The following TDP2 variants were observed in gnomAD, a reference collection of about 807,000 sequenced individuals.
The protein encoded by TDP2 is tyrosyl-DNA phosphodiesterase 2.
A neutral mutation model predicts 42.8 loss-of-function variants in TDP2; 38 were observed. The ratio of observed to expected loss-of-function variants is 0.89; its 90% confidence interval spans 0.68 to 1.16. TDP2 has a LOEUF of 1.16. Ranked by LOEUF, TDP2 falls within the 50% of genes most tolerant of loss-of-function variation. The pLI is 0.00. For synonymous variants in TDP2, 173 were observed against 150.6 expected (o/e 1.15, Z -1.09); for missense variants, 439 against 439.3 (o/e 1.00, Z 0.01).
intron 6 of TDP2, among the ~76,000 whole-genome samples, chr6:24,651,775 T>C (rs9295628): frequency 0.8 from 121,529 of 152,016 alleles, 49,071 homozygotes; most frequent in African/African-American, 0.91. Flanking sequence ...TTAGTAGAGA[T>C]GGGGTTTCAC....
chr6:24,661,297 G>A (rs537802966), intron 2 of TDP2, among the ~76,000 whole-genome samples: 57 of 152,282 alleles, frequency 3.7e-4, no homozygotes, highest in African/African-American at 1.3e-3. Flanking sequence ...ATTTATATCA[G>A]TATGGGTTCT....
chr6:24,654,266 TTA>T, intron 5 of TDP2, 144 bp downstream of exon 5: 1 of 432,930 alleles, frequency 2.3e-6, no homozygotes, highest in East Asian at 3.7e-5. Flanking sequence ...AAAATTAATT[TTA>T]GAGAGTGTTA....
At chr6:24,660,264 C>T (rs1778119145) in intron 2 of TDP2, among the ~76,000 whole-genome samples, 1 of 152,116 alleles carries the variant, frequency 6.6e-6, no homozygotes, top group South Asian at 2.1e-4. Flanking sequence ...TACAGTTATG[C>T]ACCACATTTG....
chr6:24,666,652 AC>A (rs1778248750), intron 1 of TDP2, 41 bp from the exon 2 acceptor site: 1 of 1,614,042 alleles, frequency 6.2e-7, no homozygotes, highest in East Asian at 2.2e-5. Context: ...TGTGCGCTCC[AC>A]CGACCTAGGT....
At chr6:24,665,640 A>T (rs1024514246) in intron 2 of TDP2, among the ~76,000 whole-genome samples, 2 of 152,232 alleles carry the variant, frequency 1.3e-5, no homozygotes, top group Non-Finnish European at 2.9e-5. Context: ...TTGGGAAATT[A>T]ACAATGTACA....
intron 2 of TDP2, among the ~76,000 whole-genome samples, chr6:24,665,205 CAAAA>C (rs1390259665): frequency 6.6e-6 from 1 of 152,100 alleles, no homozygotes; most frequent in Non-Finnish European, 1.5e-5. Flanking sequence ...TCTCTGTACA[CAAAA>C]AAAGATATGT....
In TDP2 at chr6:24,650,764, C is replaced by A; in HGVS notation, c.*24G>T. On this transcript the variant is annotated 3_prime_UTR_variant, in exon 7 of 7. Transcript: ENST00000378198. ...GAAATTGTATTTGCAACAATCAGGG[C>A]AAAACCCACACTTGAAAAGCATTTT... 6.2e-7 allele frequency: 1 copy of A among 1,607,488 alleles called. No individual in the cohort carries two copies. The highest frequency in any genetic ancestry group is 8.5e-7 in the Non-Finnish European group (1 of 1,175,814).
At chr6:24,651,974 C>T (rs10085192) in intron 6 of TDP2, among the ~76,000 whole-genome samples, 6,184 of 144,080 alleles carry the variant, frequency 0.043, 347 homozygotes, top group African/African-American at 0.12. Context: ...TCTCCAGAAC[C>T]TTTTAATCTT....
Position 24,650,822 on chromosome 6 carries a change from C to T in TDP2, c.1055G>A (p.Trp352Ter). ...LDCGRFPSDH[W>*]GLLCNLDIIL ...TATATCTAAGTTGCACAGAAGACCC[C>T]AGTGATCACTAGGAAATCTACCACA... The change falls in exon 7 of 7, where the codon TGG becomes TAG. Residue 352 changes from tryptophan to a stop codon, truncating the protein, a stop_gained. Transcript: ENST00000378198. LOFTEE classifies it high-confidence loss of function. The T allele has an allele frequency of 6.2e-7, 1 of 1,614,024 alleles. No homozygotes were observed. Among genetic ancestry groups the T allele is most frequent in the Non-Finnish European group, 8.5e-7 (1 of 1,179,970 alleles).
At chr6:24,656,268 A>T (rs1369096855) in intron 4 of TDP2, among the ~76,000 whole-genome samples, 1 of 152,174 alleles carries the variant, frequency 6.6e-6, no homozygotes, top group Non-Finnish European at 1.5e-5. Flanking sequence ...CCAAGAAAGT[A>T]GAACAGTCAA....
rs1317295167 is a variant in TDP2 at position 24,650,985 on chromosome 6, C to A, written c.892G>T (p.Asp298Tyr). Residue 298 changes from aspartate (D) to tyrosine (Y), a missense_variant, in exon 7 of 7, where the codon GAT (aspartate) becomes TAT (tyrosine). Asp to Tyr is a radical substitution (Grantham distance 160). Transcript: ENST00000378198. Reference protein sequence around the residue: ...GKPKHCQYTWDTQMNSNLGIT... With the variant: ...GKPKHCQYTWYTQMNSNLGIT... ...CCAAGATTAGAGTTCATTTGTGTAT[C>A]CCATGTATACTGGCAATGTTTAGGT... 23 of 1,614,042 alleles carry A rather than the reference C, an allele frequency of 1.4e-5. No individual in the cohort carries two copies. The highest frequency in any genetic ancestry group is 1.9e-5 in the Non-Finnish European group (22 of 1,179,962).
chr6:24,657,087 C>T lies in TDP2; in HGVS notation c.517+725G>A, dbSNP rs1778071293. ...AAGCACTATACAGTTGACACTTGAA[C>T]AACACAAGTGAACTTCAAGGTCCAC... On this transcript the variant is annotated intron_variant, in intron 4 of 6. Coordinates refer to ENST00000378198, the MANE Select transcript of TDP2 (RefSeq NM_016614.3). Among the ~76,000 whole-genome samples, 4 of 152,310 alleles carry T rather than the reference C, an allele frequency of 2.6e-5. No homozygotes were observed. The South Asian group carries it at 8.3e-4, about 32-fold the overall frequency.
In TDP2 at chr6:24,657,111, A is replaced by G. The variant is rs945729521; in HGVS notation, c.517+701T>C. On this transcript the variant is annotated intron_variant, in intron 4 of 6. Transcript: ENST00000378198. ...ACAACACAAGTGAACTTCAAGGTCCACTTATACAGATATTTTTTCAGTAAA... is the reference window on the plus strand; with the variant it reads ...ACAACACAAGTGAACTTCAAGGTCCGCTTATACAGATATTTTTTCAGTAAA... Among the ~76,000 whole-genome samples the G allele has an allele frequency of 5.9e-5, 9 of 152,376 alleles. No homozygotes were observed. The South Asian group carries it at 1.7e-3, about 28-fold the overall frequency.
chr6:24,651,120 A>G, intron 6 of TDP2, 51 bp from the exon 7 acceptor site: 1 of 1,282,290 alleles, frequency 7.8e-7, no homozygotes, highest in South Asian at 1.7e-5. Context: ...TTTGCCCACT[A>G]ACTTAAAAAA....
chr6:24,666,210 T>C, intron 2 of TDP2: 1 of 1,549,556 alleles, frequency 6.5e-7, no homozygotes, highest in African/African-American at 1.4e-5. Context: ...CGATAGAAGG[T>C]TTAGCCTTCG....
chr6:24,657,903 C>T lies in TDP2; in HGVS notation c.426G>A (p.Leu142=), dbSNP rs756824510. The T allele has an allele frequency of 2.3e-5, 35 of 1,543,988 alleles. No individual in the cohort carries two copies. The highest frequency in any genetic ancestry group is 3.0e-5 in the Non-Finnish European group (34 of 1,142,644). The stretch of plus-strand genomic sequence containing the variant: ...GTAGAAATATCACATCTGGGCTGTA[C>T]CTAATGAAAAACATCAATTTATGAC... ...RARGVCSYLA[L]YSPDVIFLQE... The change falls in exon 4 of 7, where the codon TTG becomes TTA. Residue 142 remains leucine, a splice_region_variant and synonymous_variant. Transcript: ENST00000378198.
intron 2 of TDP2, chr6:24,665,911 G>A (rs1005186128): frequency 1.7e-5 from 9 of 527,038 alleles, no homozygotes; most frequent in Admixed American, 8.2e-5. Context: ...AGATCTTTAC[G>A]AAGTTTCAAA....
In TDP2 at chr6:24,650,824, G is replaced by A. The variant is rs959850499; in HGVS notation, c.1053C>T (p.His351=). The A allele has an allele frequency of 5.0e-6, 8 of 1,614,018 alleles. No homozygotes were observed. Among genetic ancestry groups the A allele is most frequent in the Non-Finnish European group, 6.8e-6 (8 of 1,180,020 alleles). Residue 351 remains histidine, a synonymous_variant, in exon 7 of 7, where the codon CAC becomes CAT. Coordinates refer to ENST00000378198, the MANE Select transcript of TDP2 (RefSeq NM_016614.3). ...KLDCGRFPSD[H]WGLLCNLDII... ...TATCTAAGTTGCACAGAAGACCCCA[G>A]TGATCACTAGGAAATCTACCACAGT...
intron 2 of TDP2, among the ~76,000 whole-genome samples, chr6:24,660,744 T>C (rs1159923358): frequency 1.3e-5 from 2 of 152,244 alleles, no homozygotes; most frequent in Non-Finnish European, 2.9e-5. Context: ...ATGTTATATT[T>C]AGATGGCATG....
Sources: allele counts gnomAD v4.1 joint callset (sites outside exome capture counted in the v4.1 genomes callset), GRCh38; gene constraint gnomAD v4.1.1; transcripts MANE v1.5; gene names NCBI Gene and HGNC (gene_info 2026-07-23, HGNC 2026-07-21).